OR2J2: variants seen among roughly 807,000 people sequenced by gnomAD.
OR2J2 encodes olfactory receptor family 2 subfamily J member 2.
Under a neutral mutation model 16.9 loss-of-function variants are expected in OR2J2, and 13 were observed. That is an observed-to-expected ratio of 0.77 (90% CI 0.50 to 1.23). The LOEUF is 1.23. OR2J2 is among the 50% of genes most tolerant of loss of function. The pLI, the probability that OR2J2 is intolerant of heterozygous loss-of-function variation, is 0.00. For missense variants in OR2J2, 341 were observed against 379.1 expected (o/e 0.90, Z 0.84); for synonymous variants, 125 against 141.2 (o/e 0.89, Z 0.81).
At position 29,173,886 on chromosome 6, in the gene OR2J2, T is replaced by C. The variant is rs1757855166; in HGVS notation, c.251T>C (p.Val84Ala). ...ACCAGCTCTATCCCTCAGTTGCTGGTGAATCTCCGGGGCCCGGAAAAGACC... is the reference window on the plus strand; with the variant it reads ...ACCAGCTCTATCCCTCAGTTGCTGGCGAATCTCCGGGGCCCGGAAAAGACC... ...YTTSSIPQLL[V>A]NLRGPEKTIS... is the part of the protein sequence containing the mutation. Residue 84 changes from valine (V) to alanine (A), a missense_variant, in exon 2 of 2, where the codon GTG (valine) becomes GCG (alanine). Transcript: ENST00000641417. 1 of 1,612,042 alleles carries C rather than the reference T, an allele frequency of 6.2e-7. No homozygotes were observed. The highest frequency in any genetic ancestry group is 1.3e-5 in the African/African-American group (1 of 74,294).
Position 29,174,133 on chromosome 6 carries a change from GGT to G in OR2J2, c.499_500del (p.Val167ThrfsTer14). ...SALHSSFTFW[V>X]PLCGHRLVDH... ...CACTTCATTCCTCCTTTACTTTCTG[GGT>G]ACCCCTTTGTGGACATCGCCTAGTG... On this transcript the variant is annotated frameshift_variant, in exon 2 of 2. Transcript: ENST00000641417. LOFTEE classifies it high-confidence loss of function. The G allele has an allele frequency of 6.2e-7, 1 of 1,613,162 alleles. No homozygotes were observed. Among genetic ancestry groups the G allele is most frequent in the African/African-American group, 1.3e-5 (1 of 74,676 alleles).
intron 1 of OR2J2, among the ~76,000 whole-genome samples, chr6:29,172,603 C>A (rs1344355249): frequency 6.6e-6 from 1 of 152,014 alleles, no homozygotes. Context: ...AAAAAAATAA[C>A]TACAAGGTGA....
Position 29,173,860 on chromosome 6 carries a change from C to CA in OR2J2, c.226dup (p.Thr76AsnfsTer47). Reference sequence around the variant, plus strand: ...TCTCATTTCTGGATCTCTGCTACACCACCAGCTCTATCCCTCAGTTGCTGG... The same window carrying CA: ...TCTCATTTCTGGATCTCTGCTACACCAACCAGCTCTATCCCTCAGTTGCTGG... On this transcript the variant is annotated frameshift_variant, in exon 2 of 2. Transcript: ENST00000641417. LOFTEE classifies it high-confidence loss of function. 2 of 1,612,576 alleles carry CA rather than the reference C, an allele frequency of 1.2e-6. No individual in the cohort carries two copies. The highest frequency in any genetic ancestry group is 1.7e-6 in the Non-Finnish European group (2 of 1,179,656).
rs189615948 is a variant in OR2J2 at position 29,174,742 on chromosome 6, T to C, written c.*168T>C. 294 of 522,268 alleles carry C rather than the reference T, an allele frequency of 5.6e-4. No homozygotes were observed. Among genetic ancestry groups the C allele is most frequent in the Admixed American group, 2.5e-3 (67 of 27,036 alleles). The allele number at this position is 522,268 out of a possible 1,614,324, so 32.4% of individuals were successfully genotyped here. A position where few individuals can be genotyped will look rare whatever the true frequency, so the allele number is the denominator to read the frequency against. On this transcript the variant is annotated 3_prime_UTR_variant, in exon 2 of 2. Coordinates refer to ENST00000641417, the MANE Select transcript of OR2J2 (RefSeq NM_030905.3). ...TTTATTATTTAGTTCTGAAATATTA[T>C]GTTGAGATAAAGTTTCTGATTAGTG...
In OR2J2 at chr6:29,174,094, T is replaced by C. The variant is rs1160955728; in HGVS notation, c.459T>C (p.Gly153=). The change falls in exon 2 of 2, where the codon GGT becomes GGC. Residue 153 remains glycine (G), a synonymous_variant. Coordinates refer to ENST00000641417, the MANE Select transcript of OR2J2 (RefSeq NM_030905.3). The stretch of plus-strand genomic sequence containing the variant: ...TGGTTGCGGCTTCTTGGGTAATTGG[T>C]TTTACTATCTCAGCACTTCATTCCT... ...HLLVAASWVI[G]FTISALHSSF... is the part of the protein sequence containing the mutation. 1.2e-6 allele frequency: 2 copies of C among 1,613,240 alleles called. No homozygotes were observed. The highest frequency in any genetic ancestry group is 2.7e-5 in the African/African-American group (2 of 74,710).
rs114093208 is a variant in OR2J2, at chr6:29,173,955, C to T, written c.320C>T (p.Ala107Val). The stretch of plus-strand genomic sequence containing the variant: ...ATGGTTCAACTTTACTTTGTTCTTG[C>T]ACTGGGAATCACAGAGTGTGTCCTA... ...GCMVQLYFVL[A>V]LGITECVLLV... Residue 107 changes from alanine (A) to valine (V), a missense_variant, in exon 2 of 2, where the codon GCA becomes GTA. Transcript: ENST00000641417. 9 of 1,611,978 alleles carry T rather than the reference C, an allele frequency of 5.6e-6. No individual in the cohort carries two copies. Among genetic ancestry groups the T allele is most frequent in the Non-Finnish European group, 7.6e-6 (9 of 1,179,510 alleles).
At chr6:29,173,292 G>A in intron 1 of OR2J2, 1 of 201,170 alleles carries the variant, frequency 5.0e-6, no homozygotes. Context: ...GAAATAGCCT[G>A]AAAATATAAA....
chr6:29,171,995 T>G (rs925208123), intron 1 of OR2J2, among the ~76,000 whole-genome samples: 3 of 151,964 alleles, frequency 2.0e-5, no homozygotes, highest in Non-Finnish European at 1.5e-5. Context: ...TTTTCAAGAG[T>G]CAAGATTACA....
In OR2J2 at chr6:29,175,551, AGGTG is replaced by A. The variant is rs1475482662; in HGVS notation, c.*979_*982del. The A allele has an allele frequency of 6.6e-6, 1 of 152,134 alleles. No homozygotes were observed. The highest frequency in any genetic ancestry group is 1.5e-5 in the Non-Finnish European group (1 of 68,026). 9.4% of individuals were successfully genotyped at this position (152,134 alleles called of 1,614,324 possible). A position where few individuals can be genotyped will look rare whatever the true frequency, so the allele number is the denominator to read the frequency against. The stretch of plus-strand genomic sequence containing the variant: ...TCCCAGCACTTTGGAAGGCCGAGTC[AGGTG>A]GATCATGAGGTCAGGAGACCAAGAC... On this transcript the variant is annotated 3_prime_UTR_variant, in exon 2 of 2. Transcript: ENST00000641417.
At chr6:29,173,532 G>A (rs1582017454) in intron 1 of OR2J2, 87 bp from the exon 2 acceptor site, 4 of 811,828 alleles carry the variant, frequency 4.9e-6, no homozygotes, top group East Asian at 4.9e-5. Context: ...CTCTCTGGAA[G>A]TGGGATACTT....
At position 29,173,809 on chromosome 6, in the gene OR2J2, A is replaced by G; in HGVS notation, c.174A>G (p.Thr58=). 1.2e-6 allele frequency: 2 copies of G among 1,613,332 alleles called. No homozygotes were observed. The highest frequency in any genetic ancestry group is 1.7e-6 in the Non-Finnish European group (2 of 1,179,856). The part of the protein sequence containing the change: ...ILSYVDSHLH[T]PMYFFLSNLS... ...CATACGTGGACTCCCATCTCCACAC[A>G]CCAATGTACTTCTTCCTTTCAAACC... is the stretch of plus-strand genomic sequence containing the variant. Residue 58 remains threonine (T), a synonymous_variant, in exon 2 of 2, where the codon ACA becomes ACG. Coordinates refer to ENST00000641417, the MANE Select transcript of OR2J2 (RefSeq NM_030905.3).
chr6:29,174,174 G>A lies in OR2J2; in HGVS notation c.539G>A (p.Cys180Tyr). 1 of 1,613,576 alleles carries A rather than the reference G, an allele frequency of 6.2e-7. No individual in the cohort carries two copies. The highest frequency in any genetic ancestry group is 8.5e-7 in the Non-Finnish European group (1 of 1,179,910). The change falls in exon 2 of 2, where the codon TGT (cysteine) becomes TAT (tyrosine). Residue 180 changes from cysteine (C) to tyrosine (Y), a missense_variant. Physicochemically the swap from Cys to Tyr is radical, Grantham distance 194 (BLOSUM62 -2). Transcript: ENST00000641417. ...CGHRLVDHFFCEVPALLRLSC... is the reference protein window; with the variant it reads ...CGHRLVDHFFYEVPALLRLSC... ...CATCGCCTAGTGGATCACTTCTTCT[G>A]TGAAGTTCCAGCACTTCTGCGTTTA...
rs1401244541 is a variant in OR2J2, at chr6:29,174,820, G to A, written c.*246G>A. 15 of 435,486 alleles carry A rather than the reference G, an allele frequency of 3.4e-5. No individual in the cohort carries two copies. The highest frequency in any genetic ancestry group is 2.4e-4 in the African/African-American group (12 of 49,162). 27.0% of individuals were successfully genotyped at this position (435,486 alleles called of 1,614,324 possible). On this transcript the variant is annotated 3_prime_UTR_variant, in exon 2 of 2. Transcript: ENST00000641417. ...TTTATTTCTGTGAAAATTGTGGACT[G>A]TGGTTTCAACGTAAATAAATGTGCA...
At position 29,173,570 on chromosome 6, in the gene OR2J2, G is replaced by A. The variant is rs148108002; in HGVS notation, c.-17-49G>A. ...GTCTTCAATCTGTTTGCAAGTGAGC[G>A]GTTGACAATGCATGGACAGACTTTG... On this transcript the variant is annotated intron_variant, in intron 1 of 1. Coordinates refer to ENST00000641417, the MANE Select transcript of OR2J2 (RefSeq NM_030905.3). The A allele has an allele frequency of 2.9e-3, 3,543 of 1,206,032 alleles. 191 individuals carry two copies. In the Admixed American group the frequency reaches 0.074, roughly 25 times the overall value. 74.7% of individuals were successfully genotyped at this position (1,206,032 alleles called of 1,614,324 possible). A position where few individuals can be genotyped will look rare whatever the true frequency, so the allele number is the denominator to read the frequency against.
chr6:29,173,606 GTTCT>G lies in OR2J2; in HGVS notation c.-17-6_-17-3del, dbSNP rs775243759. 7 of 1,520,484 alleles carry G rather than the reference GTTCT, an allele frequency of 4.6e-6. No individual in the cohort carries two copies. The highest frequency in any genetic ancestry group is 1.4e-5 in the African/African-American group (1 of 72,176). The allele number at this position is 1,520,484 out of a possible 1,614,324, so 94.2% of individuals were successfully genotyped here. A position where few individuals can be genotyped will look rare whatever the true frequency, so the allele number is the denominator to read the frequency against. ...CATGGACAGACTTTGAGTTTATGTG[GTTCT>G]TTCTTTAGGTATAAGAAAAAGATGA... On this transcript the variant is annotated splice_polypyrimidine_tract_variant and intron_variant, in intron 1 of 1. Coordinates refer to ENST00000641417, the MANE Select transcript of OR2J2 (RefSeq NM_030905.3).
intron 1 of OR2J2, among the ~76,000 whole-genome samples, chr6:29,172,043 G>T (rs116348888): frequency 2.0e-5 from 3 of 152,000 alleles, no homozygotes; most frequent in Non-Finnish European, 4.4e-5. Context: ...AACACTGAAG[G>T]TGAGTCGGGT....
Position 29,175,372 on chromosome 6 carries a change from G to GGC in OR2J2, c.*799_*800dup, listed in dbSNP as rs1197602483. 6.6e-6 allele frequency: 1 copy of GGC among 152,154 alleles called. No homozygotes were observed. Among genetic ancestry groups the GGC allele is most frequent in the Non-Finnish European group, 1.5e-5 (1 of 68,044 alleles). 9.4% of individuals were successfully genotyped at this position (152,154 alleles called of 1,614,324 possible). ...CATAAAAGATGAAGTATCTGTGCAT[G>GGC]GCTTAATTTGTCACTGGGGGTAATG... is the stretch of plus-strand genomic sequence containing the variant. On this transcript the variant is annotated 3_prime_UTR_variant, in exon 2 of 2. Transcript: ENST00000641417.
chr6:29,174,697 G>A lies in OR2J2; in HGVS notation c.*123G>A, dbSNP rs1582021848. Reference sequence around the variant, plus strand: ...ACAGCTCACAAAACAGAATAGTTCAGTCTCACATTTGTTGCTCTTTTTATT... The same window carrying A: ...ACAGCTCACAAAACAGAATAGTTCAATCTCACATTTGTTGCTCTTTTTATT... On this transcript the variant is annotated 3_prime_UTR_variant, in exon 2 of 2. Transcript: ENST00000641417. 1 of 697,600 alleles carries A rather than the reference G, an allele frequency of 1.4e-6. No homozygotes were observed. The highest frequency in any genetic ancestry group is 2.8e-5 in the East Asian group (1 of 35,390). The allele number at this position is 697,600 out of a possible 1,614,324, so 43.2% of individuals were successfully genotyped here.
rs1457455373 is a variant in OR2J2 at position 29,175,029 on chromosome 6, G to C, written c.*455G>C. 1 of 156,016 alleles carries C rather than the reference G, an allele frequency of 6.4e-6. No individual in the cohort carries two copies. The highest frequency in any genetic ancestry group is 2.4e-5 in the African/African-American group (1 of 41,528). 9.7% of individuals were successfully genotyped at this position (156,016 alleles called of 1,614,324 possible). Reference sequence around the variant, plus strand: ...AAAAATAGTCACAGCAAAGAAAAATGGTAAACATAATGAATAACATTGTTT... The same window carrying C: ...AAAAATAGTCACAGCAAAGAAAAATCGTAAACATAATGAATAACATTGTTT... On this transcript the variant is annotated 3_prime_UTR_variant, in exon 2 of 2. Transcript: ENST00000641417.
Sources: gnomAD v4.1 joint callset for allele counts (sites outside exome capture counted in the v4.1 genomes callset) on GRCh38, gnomAD v4.1.1 for gene constraint, MANE v1.5 for transcripts, NCBI Gene and HGNC (gene_info 2026-07-23, HGNC 2026-07-21) for gene names.